EYS: variants seen among roughly 807,000 people sequenced by gnomAD.
EYS encodes protein eyes shut homolog.
Under a neutral mutation model 282.1 loss-of-function variants are expected in EYS, and 250 were observed. The ratio of observed to expected loss-of-function variants is 0.89; its 90% CI spans 0.80 to 0.98. EYS has a LOEUF of 0.98. Ranked by LOEUF, EYS falls within the 50% of genes least tolerant of loss-of-function variation. The pLI is 0.00. For synonymous variants in EYS, 1,355 were observed against 1,282.9 expected (o/e 1.06, Z -1.20); for missense variants, 4,016 against 3,709.0 (o/e 1.08, Z -2.15).
chr6:64,176,427 A>G (rs35906288), intron 31 of EYS, among the ~76,000 whole-genome samples: 46,795 of 151,886 alleles, frequency 0.31, 7,284 homozygotes, highest in East Asian at 0.5. Context: ...TTAAGATAAA[A>G]AAAATTTGAT....
At chr6:65,002,840 G>A (rs991796035) in intron 13 of EYS, among the ~76,000 whole-genome samples, 1 of 147,134 alleles carries the variant, frequency 6.8e-6, no homozygotes, top group African/African-American at 2.4e-5. Flanking sequence ...TGTCTTTACT[G>A]CAATCTCTAA....
At chr6:63,998,462 A>G (rs1767933836) in intron 34 of EYS, among the ~76,000 whole-genome samples, 1 of 152,240 alleles carries the variant, frequency 6.6e-6, no homozygotes, top group Non-Finnish European at 1.5e-5. Context: ...ATCTCTAATT[A>G]TACAGATTAA....
rs183125942 is a variant in EYS, at chr6:65,388,562, G to A, written c.1185-4062C>T. Among the ~76,000 whole-genome samples, 216 of 152,094 alleles carry A rather than the reference G, an allele frequency of 1.4e-3. 2 individuals carry two copies. Among genetic ancestry groups the A allele is most frequent in the Middle Eastern group, 3.4e-3 (1 of 294 alleles). ...AATGTGCACTTCAGAAAAGGGAAAG[G>A]CAAATACCAAGGATTGAAGCAAGAG... On this transcript the variant is annotated intron_variant, in intron 7 of 42. Coordinates refer to ENST00000503581, the MANE Select transcript of EYS (RefSeq NM_001142800.2).
At chr6:63,887,219 TG>T (rs1164200759) in intron 35 of EYS, among the ~76,000 whole-genome samples, 4 of 152,042 alleles carry the variant, frequency 2.6e-5, no homozygotes, top group African/African-American at 9.7e-5. Context: ...CACTTCTTTA[TG>T]TTGAGCATGG....
chr6:64,939,127 G>A (rs755407877), intron 15 of EYS, among the ~76,000 whole-genome samples: 167 of 151,786 alleles, frequency 1.1e-3, no homozygotes, highest in Non-Finnish European at 4.1e-4. Context: ...CATATTTAGT[G>A]ACTGCTCTTT....
At position 65,705,477 on chromosome 6, in the gene EYS, T is replaced by A. The variant is rs957094013; in HGVS notation, c.-448+1658A>T. 2.6e-5 allele frequency among the ~76,000 whole-genome samples: 4 copies of A among 152,268 alleles called. No homozygotes were observed. The East Asian group carries it at 5.8e-4, about 22-fold the overall frequency. ...AGTGGAACCAAGTAAGTCAATACAGTTTTGTTTTGTTTTTTAACGCATTAA... is the reference window on the plus strand; with the variant it reads ...AGTGGAACCAAGTAAGTCAATACAGATTTGTTTTGTTTTTTAACGCATTAA... On this transcript the variant is annotated intron_variant, in intron 1 of 42. Transcript: ENST00000503581.
intron 5 of EYS, among the ~76,000 whole-genome samples, chr6:65,434,691 A>C (rs1768009020): frequency 1.3e-5 from 2 of 152,008 alleles, no homozygotes; most frequent in African/African-American, 4.8e-5. Flanking sequence ...GAGAGGCTGC[A>C]TAGCGCCTAA....
rs9363291 is a variant in EYS at position 64,880,856 on chromosome 6, C to A, written c.2992+5841G>T. On this transcript the variant is annotated intron_variant, in intron 19 of 42. Coordinates refer to ENST00000503581, the MANE Select transcript of EYS (RefSeq NM_001142800.2). ...TATATATACACACACACATATATTT[C>A]TATACACACGCTCTAGTATGTATAT... 5.3e-5 allele frequency among the ~76,000 whole-genome samples: 8 copies of A among 149,898 alleles called. No individual in the cohort carries two copies. In the South Asian group the frequency reaches 1.7e-3, roughly 31 times the overall value.
At chr6:64,452,625 T>A (rs1433287206) in intron 26 of EYS, among the ~76,000 whole-genome samples, 2 of 152,114 alleles carry the variant, frequency 1.3e-5, no homozygotes, top group African/African-American at 4.8e-5. Flanking sequence ...AAGGCTACAG[T>A]AACCAAAACA....
At chr6:65,250,025 G>C (rs954128869) in intron 12 of EYS, among the ~76,000 whole-genome samples, 3 of 151,980 alleles carry the variant, frequency 2.0e-5, no homozygotes, top group Non-Finnish European at 4.4e-5. Flanking sequence ...CAAACGTAAT[G>C]GAAGAGGTCA....
At chr6:64,811,791 G>A (rs1383155439) in intron 22 of EYS, among the ~76,000 whole-genome samples, 3 of 152,012 alleles carry the variant, frequency 2.0e-5, no homozygotes, top group Non-Finnish European at 4.4e-5. Flanking sequence ...CCATGCTCTT[G>A]GGCTTTTCAG....
intron 12 of EYS, among the ~76,000 whole-genome samples, chr6:65,231,179 T>C (rs1395417747): frequency 6.9e-6 from 1 of 145,446 alleles, no homozygotes; most frequent in Non-Finnish European, 1.5e-5. Context: ...ATTTTATATA[T>C]ATATAAAGAA....
At position 64,301,785 on chromosome 6, in the gene EYS, C is replaced by A. The variant is rs150942299; in HGVS notation, c.6191+5185G>T. On this transcript the variant is annotated intron_variant, in intron 30 of 42. Transcript: ENST00000503581. ...TACAAAAATAGTTCACTCCCCCATA[C>A]CTAACGCTTTAACACTGTTTACTGA... Among the ~76,000 whole-genome samples, 482 of 152,280 alleles carry A rather than the reference C, an allele frequency of 3.2e-3. 2 individuals are homozygous for A. The highest frequency in any genetic ancestry group is 0.011 in the African/African-American group (455 of 41,560).
At chr6:65,146,620 G>GT (rs1335388592) in intron 12 of EYS, among the ~76,000 whole-genome samples, 1 of 151,778 alleles carries the variant, frequency 6.6e-6, no homozygotes, top group Non-Finnish European at 1.5e-5. Flanking sequence ...TTATCCTAGT[G>GT]TTTTCTTTTT....
intron 26 of EYS, among the ~76,000 whole-genome samples, chr6:64,568,724 A>G (rs975382029): frequency 5.3e-5 from 8 of 152,046 alleles, no homozygotes; most frequent in African/African-American, 1.9e-4. Context: ...CACCTCATAC[A>G]AGAGAGCTCC....
At chr6:64,626,310 C>A in intron 22 of EYS, 65 bp from the exon 23 acceptor site, 1 of 1,477,380 alleles carries the variant, frequency 6.8e-7, no homozygotes, top group Non-Finnish European at 8.9e-7. Flanking sequence ...CACTTTTCAT[C>A]TTGGGATTCC....
intron 5 of EYS, among the ~76,000 whole-genome samples, chr6:65,463,098 C>T (rs1764876677): frequency 1.3e-5 from 2 of 152,000 alleles, no homozygotes; most frequent in South Asian, 4.1e-4. Context: ...CATGTCAGAC[C>T]ATGTTACCCC....
At chr6:64,622,498 T>G (rs926131486) in intron 23 of EYS, among the ~76,000 whole-genome samples, 3 of 152,174 alleles carry the variant, frequency 2.0e-5, no homozygotes. Flanking sequence ...CAGTATTTAG[T>G]TTTTCAAACT....
chr6:65,486,176 C>G (rs1252561382), intron 5 of EYS, among the ~76,000 whole-genome samples: 1 of 152,090 alleles, frequency 6.6e-6, no homozygotes, highest in Non-Finnish European at 1.5e-5. Context: ...GATATTCACA[C>G]AACTAAAATA....
Sources: allele counts gnomAD v4.1 joint callset (sites outside exome capture counted in the v4.1 genomes callset), GRCh38; gene constraint gnomAD v4.1.1; transcripts MANE v1.5; gene names NCBI Gene and HGNC (gene_info 2026-07-23, HGNC 2026-07-21).